Variants in COPB1 observed in about 807,000 individuals in gnomAD.
The protein encoded by COPB1 is coatomer subunit beta.
Under a neutral mutation model 108.7 loss-of-function variants are expected in COPB1, and 21 were observed. The observed-to-expected ratio is 0.19, with a 90% CI of 0.14 to 0.28. The LOEUF (loss-of-function observed/expected upper bound fraction) is 0.28. Among genes scored for constraint, COPB1 ranks in the 10% least tolerant of loss-of-function variants. The pLI is 1.00. For synonymous variants in COPB1, 378 were observed against 386.8 expected (o/e 0.98, Z 0.27); for missense variants, 919 against 1,141.3 (o/e 0.81, Z 2.81).
intron 7 of COPB1, among the ~76,000 whole-genome samples, chr11:14,486,088 A>G (rs1212220688): frequency 6.6e-6 from 1 of 152,142 alleles, no homozygotes; most frequent in African/African-American, 2.4e-5. Context: ...AGAGGTAGAA[A>G]AAAAGTCCAT....
intron 17 of COPB1, 137 bp from the exon 18 acceptor site, chr11:14,465,167 T>C (rs1457696115): frequency 7.6e-6 from 9 of 1,181,026 alleles, no homozygotes; most frequent in Non-Finnish European, 9.0e-6. Context: ...ATAAGGAATA[T>C]GACGAATATG....
chr11:14,495,528 A>T (rs756333195), intron 2 of COPB1, among the ~76,000 whole-genome samples: 1 of 152,172 alleles, frequency 6.6e-6, no homozygotes, highest in Non-Finnish European at 1.5e-5. Flanking sequence ...TAGCCACTTA[A>T]AATTTTTGTA....
At chr11:14,468,610 A>T in intron 16 of COPB1, 71 bp downstream of exon 16, 1 of 1,410,780 alleles carries the variant, frequency 7.1e-7, no homozygotes, top group South Asian at 1.3e-5. Context: ...TTTCTTTTAA[A>T]AATAGCAGCA....
rs778841797 is a variant in COPB1 at position 14,464,988 on chromosome 11, G to A, written c.2333C>T (p.Ala778Val). 6.2e-7 allele frequency: 1 copy of A among 1,612,778 alleles called. No homozygotes were observed. The highest frequency in any genetic ancestry group is 1.1e-5 in the South Asian group (1 of 91,042). ...TTTAATATTTGCGAAGTCATGAGGA[G>A]CAAGAGTCAAAGGAGACGGCTTTTC... ...LVEKPSPLTL[A>V]PHDFANIKAN... The change falls in exon 18 of 22, where the codon GCT (alanine) becomes GTT (valine). Residue 778 changes from alanine (A) to valine (V), a missense_variant. By Grantham distance (64) the Ala-to-Val change is moderately conservative. Coordinates refer to ENST00000439561, the MANE Select transcript of COPB1 (RefSeq NM_001144061.2).
At chr11:14,465,121 A>G in intron 17 of COPB1, 91 bp from the exon 18 acceptor site, 2 of 1,426,458 alleles carry the variant, frequency 1.4e-6, no homozygotes, top group Non-Finnish European at 9.3e-7. Context: ...TAACCATAAA[A>G]CCTTAAATGT....
In COPB1 at chr11:14,469,596, G is replaced by C. The variant is rs1397927035; in HGVS notation, c.1738-33C>G. ...AGTAAAGAAATCGGTTACTGATATTGTCTTGATTCTCAGATTGCAATCATG... is the reference window on the plus strand; with the variant it reads ...AGTAAAGAAATCGGTTACTGATATTCTCTTGATTCTCAGATTGCAATCATG... On this transcript the variant is annotated intron_variant, in intron 14 of 21. Transcript: ENST00000439561. 11 of 1,546,146 alleles carry C rather than the reference G, an allele frequency of 7.1e-6. 1 individual carries two copies. In the Admixed American group the frequency reaches 1.9e-4, roughly 26 times the overall value.
intron 5 of COPB1, among the ~76,000 whole-genome samples, chr11:14,490,016 T>C (rs1296697467): frequency 1.3e-5 from 2 of 152,338 alleles, no homozygotes. Context: ...TTATTTCCCA[T>C]ATTTTGGTGA....
intron 4 of COPB1, among the ~76,000 whole-genome samples, chr11:14,492,913 A>C (rs375669492): frequency 3.9e-5 from 6 of 152,250 alleles, no homozygotes; most frequent in African/African-American, 1.4e-4. Flanking sequence ...TGGGAGGCCA[A>C]GGCGAGTGGA....
At chr11:14,464,877 T>C (rs1850246807) in intron 18 of COPB1, 34 bp downstream of exon 18, 1 of 1,596,962 alleles carries the variant, frequency 6.3e-7, no homozygotes, top group Non-Finnish European at 8.6e-7. Flanking sequence ...AGTAAAAGTA[T>C]TCAAACATTA....
intron 2 of COPB1, among the ~76,000 whole-genome samples, chr11:14,497,241 A>C (rs1851043755): frequency 6.6e-6 from 1 of 152,074 alleles, no homozygotes; most frequent in South Asian, 2.1e-4. Flanking sequence ...CAATCGACAT[A>C]CGTGATGAGA....
Position 14,466,331 on chromosome 11 carries a change from G to A in COPB1, c.2241C>T (p.Asn747=). 6.2e-7 allele frequency: 1 copy of A among 1,613,578 alleles called. No individual in the cohort carries two copies. Among genetic ancestry groups the A allele is most frequent in the Non-Finnish European group, 8.5e-7 (1 of 1,179,776 alleles). The part of the protein sequence containing the change: ...YDIVLDVLVV[N]QTSDTLQNCT... ...AATTCTGCAAAGTATCACTGGTTTGGTTCACAACAAGTACATCCAGGACAA... is the reference window on the plus strand; with the variant it reads ...AATTCTGCAAAGTATCACTGGTTTGATTCACAACAAGTACATCCAGGACAA... Residue 747 remains asparagine, a synonymous_variant, in exon 17 of 22, where the codon AAC becomes AAT. Transcript: ENST00000439561.
intron 17 of COPB1, 92 bp downstream of exon 17, chr11:14,466,190 G>C (rs891099331): frequency 1.6e-6 from 2 of 1,232,884 alleles, no homozygotes; most frequent in African/African-American, 1.5e-5. Context: ...AGGTTCAAGA[G>C]AATTTTTATA....
intron 7 of COPB1, among the ~76,000 whole-genome samples, chr11:14,484,954 TACTC>T (rs1850738578): frequency 6.6e-6 from 1 of 151,512 alleles, no homozygotes; most frequent in African/African-American, 2.5e-5. Flanking sequence ...GAAAGGTAAA[TACTC>T]TATTATTGAA....
chr11:14,476,880 A>G, intron 12 of COPB1, 39 bp downstream of exon 12: 1 of 1,319,388 alleles, frequency 7.6e-7, no homozygotes, highest in Non-Finnish European at 1.1e-6. Flanking sequence ...TAAAGGAAAA[A>G]TTACCATATA....
intron 13 of COPB1, among the ~76,000 whole-genome samples, chr11:14,474,897 G>A (rs538289655): frequency 1.3e-5 from 2 of 151,854 alleles, no homozygotes; most frequent in East Asian, 3.9e-4. Context: ...GGAGTTCGAG[G>A]ACAGCCTGGC....
chr11:14,489,861 G>T (rs1850856993), intron 5 of COPB1, among the ~76,000 whole-genome samples: 1 of 152,058 alleles, frequency 6.6e-6, no homozygotes, highest in African/African-American at 2.4e-5. Flanking sequence ...TGGTTAAGAG[G>T]GTAAATTTTT....
intron 13 of COPB1, among the ~76,000 whole-genome samples, 173 bp downstream of exon 13, chr11:14,475,612 A>G (rs921796079): frequency 2.6e-5 from 4 of 152,254 alleles, no homozygotes; most frequent in South Asian, 2.1e-4. Context: ...AAAACCATCA[A>G]TACAATTCCT....
At chr11:14,499,321 G>A (rs1286065957) in intron 1 of COPB1, among the ~76,000 whole-genome samples, 1 of 152,118 alleles carries the variant, frequency 6.6e-6, no homozygotes, top group Non-Finnish European at 1.5e-5. Flanking sequence ...AAGAGACCTT[G>A]TGCCTGAATA....
At chr11:14,484,835 A>G (rs1197172987) in intron 7 of COPB1, among the ~76,000 whole-genome samples, 2 of 152,258 alleles carry the variant, frequency 1.3e-5, no homozygotes, top group African/African-American at 4.8e-5. Context: ...AGTTTTGGGT[A>G]AAGCAGTAAA....
Sources: allele counts gnomAD v4.1 joint callset (sites outside exome capture counted in the v4.1 genomes callset), GRCh38; gene constraint gnomAD v4.1.1; transcripts MANE v1.5; gene names NCBI Gene and HGNC (gene_info 2026-07-23, HGNC 2026-07-21).